Variants in OSBPL10 observed in about 807,000 individuals in gnomAD.
OSBPL10 encodes the protein oxysterol-binding protein-related protein 10.
In OSBPL10, 49 loss-of-function variants were observed where a neutral mutation model predicts 81.7. The ratio of observed to expected loss-of-function variants is 0.60; its 90% CI spans 0.48 to 0.76. The LOEUF (loss-of-function observed/expected upper bound fraction) is 0.76, where lower values mean the gene tolerates loss of function less well. OSBPL10 is among the 30% of genes least tolerant of loss of function. The pLI is 0.00. For synonymous variants in OSBPL10, 419 were observed against 383.6 expected, an observed-to-expected ratio of 1.09 and a Z score of -1.08; for missense variants, 923 against 987.8, an observed-to-expected ratio of 0.93 and a Z score of 0.88.
chr3:31,919,524 A>G (rs1338777473), intron 1 of OSBPL10: 1 of 151,964 alleles, frequency 6.6e-6, no homozygotes, highest in African/African-American at 2.4e-5. Context: ...TTTTCCAGAA[A>G]TGAACATAGT....
At chr3:31,761,827 A>AAAAAAAAAAAAAAAAAAAAC (rs996116489) in intron 4 of OSBPL10, among the ~76,000 whole-genome samples, 1 of 149,434 alleles carries the variant, frequency 6.7e-6, no homozygotes, top group African/African-American at 2.6e-5. Flanking sequence ...AAAAAAAAAA[A>AAAAAAAAAAAAAAAAAAAAC]AAAACCCTAA....
At chr3:31,884,784 C>T (rs756369691) in intron 1 of OSBPL10, among the ~76,000 whole-genome samples, 12 of 152,192 alleles carry the variant, frequency 7.9e-5, no homozygotes, top group East Asian at 1.9e-4. Context: ...CTAATTCCTA[C>T]GTTCTGGGGT....
chr3:31,821,538 T>C (rs543200615), intron 4 of OSBPL10, among the ~76,000 whole-genome samples: 13 of 152,314 alleles, frequency 8.5e-5, no homozygotes, highest in South Asian at 2.1e-4. Context: ...ACCCACTCTA[T>C]TGCTTTAAAA....
intron 4 of OSBPL10, among the ~76,000 whole-genome samples, chr3:31,818,527 C>T (rs1481802288): frequency 1.3e-5 from 2 of 152,184 alleles, no homozygotes; most frequent in Non-Finnish European, 2.9e-5. Flanking sequence ...AGCACAGCAC[C>T]ATAGCAGTTC....
At chr3:31,814,240 G>T (rs1487355052) in intron 4 of OSBPL10, among the ~76,000 whole-genome samples, 1 of 152,198 alleles carries the variant, frequency 6.6e-6, no homozygotes, top group Non-Finnish European at 1.5e-5. Context: ...CAAGAGCTTG[G>T]AGCACATACG....
intron 3 of OSBPL10, among the ~76,000 whole-genome samples, chr3:31,867,746 A>AAAGGAAGGGAGG (rs1442968538): frequency 4.9e-5 from 7 of 142,022 alleles, no homozygotes; most frequent in Non-Finnish European, 7.7e-5. Flanking sequence ...GAAGAAAGAG[A>AAAGGAAGGGAGG]AAGGAAGGGA....
intron 2 of OSBPL10, among the ~76,000 whole-genome samples, chr3:31,986,694 A>C (rs892093653): frequency 2.6e-5 from 4 of 152,162 alleles, no homozygotes; most frequent in Admixed American, 2.6e-4. Context: ...TCACTTTCAA[A>C]GATTTGCACA....
At chr3:32,059,790 T>A (rs1699741580) in intron 1 of OSBPL10, among the ~76,000 whole-genome samples, 1 of 151,340 alleles carries the variant, frequency 6.6e-6, no homozygotes, top group African/African-American at 2.4e-5. Context: ...CACATGCCTG[T>A]AGTCCCAGCT....
At chr3:31,749,682 G>A (rs1382476723) in intron 4 of OSBPL10, among the ~76,000 whole-genome samples, 1 of 152,090 alleles carries the variant, frequency 6.6e-6, no homozygotes, top group East Asian at 1.9e-4. Context: ...AGCTGTGGTG[G>A]TGGACGCCTG....
intron 10 of OSBPL10, among the ~76,000 whole-genome samples, chr3:31,665,462 G>A (rs1002274385): frequency 6.6e-6 from 1 of 152,152 alleles, no homozygotes; most frequent in African/African-American, 2.4e-5. Flanking sequence ...AGGGCTCAGA[G>A]CAGCAGGAAG....
At chr3:32,013,736 G>C (rs758764973) in intron 2 of OSBPL10, among the ~76,000 whole-genome samples, 6 of 152,126 alleles carry the variant, frequency 3.9e-5, no homozygotes, top group Non-Finnish European at 8.8e-5. Context: ...GAATGAAATA[G>C]ATGCAATAAA....
chr3:31,924,083 T>C (rs1231630838), intron 1 of OSBPL10, among the ~76,000 whole-genome samples: 1 of 151,754 alleles, frequency 6.6e-6, no homozygotes, highest in African/African-American at 2.4e-5. Flanking sequence ...GTGGGCATAG[T>C]GGCAGGCGCC....
At chr3:31,715,213 AC>A (rs1696395513) in intron 6 of OSBPL10, among the ~76,000 whole-genome samples, 1 of 152,310 alleles carries the variant, frequency 6.6e-6, no homozygotes, top group Admixed American at 6.5e-5. Flanking sequence ...AAAATTAAAC[AC>A]AATTTAAAAT....
intron 7 of OSBPL10, among the ~76,000 whole-genome samples, chr3:31,688,801 C>G (rs766754036): frequency 4.6e-5 from 7 of 152,140 alleles, no homozygotes; most frequent in Non-Finnish European, 8.8e-5. Flanking sequence ...ATTTCAGGAA[C>G]GTGTTTTGGG....
At chr3:31,964,680 T>C (rs1024721425) in intron 1 of OSBPL10, among the ~76,000 whole-genome samples, 2 of 152,176 alleles carry the variant, frequency 1.3e-5, no homozygotes, top group African/African-American at 4.8e-5. Flanking sequence ...TAATGATAGG[T>C]GTGCCTCATA....
intron 2 of OSBPL10, among the ~76,000 whole-genome samples, chr3:32,043,376 G>C (rs1699594128): frequency 6.6e-6 from 1 of 152,022 alleles, no homozygotes; most frequent in Admixed American, 6.6e-5. Context: ...TCTTTTTCAA[G>C]GTGCACTGAT....
At chr3:31,992,663 C>A (rs1699046858) in intron 2 of OSBPL10, among the ~76,000 whole-genome samples, 1 of 152,132 alleles carries the variant, frequency 6.6e-6, no homozygotes, top group Non-Finnish European at 1.5e-5. Flanking sequence ...ATGATCTTTT[C>A]AACAAGTGAT....
rs556705555 is a variant in OSBPL10 at position 32,014,595 on chromosome 3, G to C, written n.298+31896C>G. 3.9e-5 allele frequency among the ~76,000 whole-genome samples: 6 copies of C among 152,222 alleles called. No individual in the cohort carries two copies. The East Asian group carries it at 1.2e-3, about 29-fold the overall frequency. On this transcript the variant is annotated intron_variant and non_coding_transcript_variant, in intron 2 of 3. Coordinates refer to the OSBPL10 transcript ENST00000479173. ...AACATAGTGTTGGAAGTTCTGGCCA[G>C]GGCAATCAGGCAGGAAAAGGAAATA...
chr3:31,859,653 G>A (rs941678326), intron 3 of OSBPL10, among the ~76,000 whole-genome samples: 11 of 152,258 alleles, frequency 7.2e-5, no homozygotes, highest in African/African-American at 2.6e-4. Context: ...ACCAGATGCT[G>A]GTCCCTCAAT....
Sources: gnomAD v4.1 joint callset for allele counts (sites outside exome capture counted in the v4.1 genomes callset) on GRCh38, gnomAD v4.1.1 for gene constraint, MANE v1.5 for transcripts, NCBI Gene and HGNC (gene_info 2026-07-23, HGNC 2026-07-21) for gene names.